TPST2: variants seen among roughly 807,000 people sequenced by gnomAD.
TPST2 encodes protein-tyrosine sulfotransferase 2.
TPST2 carries 16 observed loss-of-function variants against 27.8 expected under a neutral mutation model. The observed-to-expected ratio is 0.58, with a 90% CI of 0.39 to 0.88. The LOEUF is 0.88. Ranked by LOEUF, TPST2 falls within the 40% of genes least tolerant of loss-of-function variation. The probability of loss-of-function intolerance (pLI) is 0.00; values close to 1 mark genes in which losing one functional copy is unlikely to be tolerated. For synonymous variants in TPST2, 229 were observed against 231.7 expected, an observed-to-expected ratio of 0.99 and a Z score of 0.10; for missense variants, 464 against 543.1, an observed-to-expected ratio of 0.85 and a Z score of 1.45.
chr22:26,533,598 T>C (rs539541689), intron 4 of TPST2, among the ~76,000 whole-genome samples: 1 of 152,256 alleles, frequency 6.6e-6, no homozygotes, highest in South Asian at 2.1e-4. Context: ...TTTCCGCTAG[T>C]AGTCACATTT....
chr22:26,551,220 A>G (rs1342862181), intron 1 of TPST2, among the ~76,000 whole-genome samples: 1 of 152,186 alleles, frequency 6.6e-6, no homozygotes, highest in East Asian at 1.9e-4. Context: ...TGGGAGGCAG[A>G]GGTTGCAGTG....
At chr22:26,551,653 G>T (rs1169805941) in intron 1 of TPST2, among the ~76,000 whole-genome samples, 1 of 152,056 alleles carries the variant, frequency 6.6e-6, no homozygotes, top group Non-Finnish European at 1.5e-5. Flanking sequence ...TTAGGGACTA[G>T]CCAGGGGTGG....
At chr22:26,584,192 G>C (rs901635330) in intron 1 of TPST2, among the ~76,000 whole-genome samples, 8 of 152,216 alleles carry the variant, frequency 5.3e-5, no homozygotes, top group Non-Finnish European at 1.2e-4. Flanking sequence ...CTCAGAGAGG[G>C]GAAGCTCCTT....
At chr22:26,575,170 G>A (rs930597820) in intron 1 of TPST2, among the ~76,000 whole-genome samples, 1 of 152,134 alleles carries the variant, frequency 6.6e-6, no homozygotes, top group Non-Finnish European at 1.5e-5. Flanking sequence ...CTGGAAAATG[G>A]GGATAACACA....
rs748602379 is a variant in TPST2 at position 26,532,687 on chromosome 22, T to A, written c.1092+8A>T. Reference sequence around the variant, plus strand: ...ACAGAATTCGGAATTCCCCTTGGGGTTTCTAACCTGAAAATATCCTTTCAG... The same window carrying A: ...ACAGAATTCGGAATTCCCCTTGGGGATTCTAACCTGAAAATATCCTTTCAG... On this transcript the variant is annotated splice_region_variant and intron_variant, in intron 5 of 6. Coordinates refer to ENST00000338754, the MANE Select transcript of TPST2 (RefSeq NM_003595.5). 2.5e-6 allele frequency: 4 copies of A among 1,613,874 alleles called. No homozygotes were observed. The highest frequency in any genetic ancestry group is 3.4e-6 in the Non-Finnish European group (4 of 1,179,832).
chr22:26,572,171 C>G (rs534688912), intron 1 of TPST2, among the ~76,000 whole-genome samples: 2 of 152,314 alleles, frequency 1.3e-5, no homozygotes, highest in South Asian at 4.1e-4. Context: ...TAACCTAGGC[C>G]TGGCCAATCA....
chr22:26,528,331 C>A, intron 5 of TPST2, 69 bp from the exon 6 acceptor site: 6 of 1,494,532 alleles, frequency 4.0e-6, no homozygotes, highest in Non-Finnish European at 5.5e-6. Flanking sequence ...TATTGAGGGT[C>A]ACCCCTCAGC....
chr22:26,582,415 G>A (rs183011018), intron 1 of TPST2, among the ~76,000 whole-genome samples: 14 of 152,148 alleles, frequency 9.2e-5, no homozygotes, highest in African/African-American at 1.7e-4. Context: ...CAACAAGATC[G>A]AAACTCCATC....
chr22:26,540,911 C>G lies in TPST2; in HGVS notation c.720G>C (p.Gln240His). 6.2e-7 allele frequency: 1 copy of G among 1,614,198 alleles called. No individual in the cohort carries two copies. The highest frequency in any genetic ancestry group is 8.5e-7 in the Non-Finnish European group (1 of 1,180,038). ...GTGAGCGCCTGGGGTGCAGCACCAG[C>G]TGCTCGTAGTACACAGGCAGGCACT... ...KEKCLPVYYE[Q>H]LVLHPRRSLK... The change falls in exon 3 of 7, where the codon CAG (glutamine) becomes CAC (histidine). Residue 240 changes from glutamine (Q) to histidine (H), a missense_variant. Physicochemically the swap from Gln to His is conservative, Grantham distance 24 (BLOSUM62 0). Coordinates refer to ENST00000338754, the MANE Select transcript of TPST2 (RefSeq NM_003595.5).
intron 1 of TPST2, among the ~76,000 whole-genome samples, chr22:26,578,317 G>T (rs1314288330): frequency 6.6e-6 from 1 of 152,144 alleles, no homozygotes; most frequent in Non-Finnish European, 1.5e-5. Flanking sequence ...TACTACCCCA[G>T]CTCTCAACGT....
At chr22:26,575,734 G>A (rs571821615) in intron 1 of TPST2, among the ~76,000 whole-genome samples, 52 of 152,288 alleles carry the variant, frequency 3.4e-4, no homozygotes, top group African/African-American at 9.9e-4. Context: ...AGTGGCTCAC[G>A]CCTGTCATCC....
intron 1 of TPST2, chr22:26,565,252 T>G (rs1602291349): frequency 6.6e-6 from 1 of 152,360 alleles, no homozygotes; most frequent in Non-Finnish European, 1.5e-5. Context: ...GCAGCCAGGG[T>G]GGAGGCGAGG....
Position 26,551,627 on chromosome 22 carries a change from C to T in TPST2, c.-160-6952G>A, listed in dbSNP as rs144626185. Among the ~76,000 whole-genome samples, 179 of 152,152 alleles carry T rather than the reference C, an allele frequency of 1.2e-3. 1 individual carries two copies. Among genetic ancestry groups the T allele is most frequent in the African/African-American group, 4.1e-3 (169 of 41,524 alleles). On this transcript the variant is annotated intron_variant, in intron 1 of 6. Coordinates refer to ENST00000338754, the MANE Select transcript of TPST2 (RefSeq NM_003595.5). ...CTGTCCCAGTCTCCCGTTCAGAGGC[C>T]CAGTTCAGCACTCTGTTAGGGACTA...
intron 3 of TPST2, 132 bp from the exon 4 acceptor site, chr22:26,536,618 A>G: frequency 1.3e-6 from 1 of 765,854 alleles, no homozygotes; most frequent in East Asian, 2.7e-5. Context: ...TGCCCCATCA[A>G]CTGTGAGATG....
intron 1 of TPST2, among the ~76,000 whole-genome samples, chr22:26,557,268 T>C (rs1356184399): frequency 2.0e-5 from 3 of 152,156 alleles, no homozygotes; most frequent in Non-Finnish European, 4.4e-5. Flanking sequence ...AGGCAGGTGG[T>C]CAGAGTCCCA....
rs149952620 is a variant in TPST2, at chr22:26,541,425, G to C, written c.206C>G (p.Pro69Arg). 3 of 1,580,972 alleles carry C rather than the reference G, an allele frequency of 1.9e-6. No individual in the cohort carries two copies. The highest frequency in any genetic ancestry group is 1.3e-5 in the African/African-American group (1 of 74,268). The change falls in exon 3 of 7, where the codon CCG becomes CGG. Residue 69 changes from proline to arginine, a missense_variant. Pro to Arg is a moderately radical substitution (Grantham distance 103, BLOSUM62 -2). Transcript: ENST00000338754. This position sits in a 1 kb window ranked among gnomAD's most constrained non-coding sequence, Gnocchi z 5.9. ...HVEYRYGKAM[P>R]LIFVGGVPRS... ...AGGCACGCCACCCACGAAGATGAGC[G>C]GCATGGCCTTGCCATAGCGGTATTC...
At chr22:26,553,039 G>T (rs370641728) in intron 1 of TPST2, among the ~76,000 whole-genome samples, 12 of 123,314 alleles carry the variant, frequency 9.7e-5, no homozygotes, top group African/African-American at 3.7e-4. Flanking sequence ...CAGCCTGGGT[G>T]ACAACAGCGA....
intron 1 of TPST2, among the ~76,000 whole-genome samples, chr22:26,567,399 G>A (rs1927423601): frequency 1.3e-5 from 2 of 152,202 alleles, no homozygotes; most frequent in Admixed American, 1.3e-4. Context: ...GAGAAACAGG[G>A]ATGACTTAGG....
At chr22:26,536,143 A>G (rs1490024085) in intron 4 of TPST2, 145 bp downstream of exon 4, 1 of 1,098,126 alleles carries the variant, frequency 9.1e-7, no homozygotes, top group Non-Finnish European at 1.4e-6. Context: ...GCAATCATGT[A>G]GTTCACTGTG....
Sources: allele counts gnomAD v4.1 joint callset (sites outside exome capture counted in the v4.1 genomes callset), GRCh38; gene constraint gnomAD v4.1.1; non-coding constraint Gnocchi (gnomAD v3.1); transcripts MANE v1.5; gene names NCBI Gene and HGNC (gene_info 2026-07-23, HGNC 2026-07-21).